SMYD3: variants seen among roughly 807,000 people sequenced by gnomAD.
SMYD3 encodes the protein histone-lysine N-methyltransferase SMYD3.
A neutral mutation model predicts 57.7 loss-of-function variants in SMYD3; 36 were observed. The observed-to-expected ratio is 0.62, with a 90% CI of 0.48 to 0.82. SMYD3 has a LOEUF of 0.82. SMYD3 is among the 40% of genes least tolerant of loss of function. SMYD3 has a pLI of 0.00. For missense variants in SMYD3, 515 were observed against 538.8 expected (o/e 0.96, Z 0.44); for synonymous variants, 211 against 195.0 (o/e 1.08, Z -0.68).
intron 10 of SMYD3, among the ~76,000 whole-genome samples, chr1:245,828,339 T>C (rs1036324970): frequency 6.6e-6 from 1 of 152,200 alleles, no homozygotes; most frequent in Admixed American, 6.5e-5. Context: ...GAAAATGAAA[T>C]GACACCTTCT....
chr1:246,156,370 T>C (rs2062023556), intron 5 of SMYD3, among the ~76,000 whole-genome samples: 1 of 152,188 alleles, frequency 6.6e-6, no homozygotes, highest in African/African-American at 2.4e-5. Context: ...AATTAAGTTT[T>C]TTAAATAATT....
intron 1 of SMYD3, among the ~76,000 whole-genome samples, chr1:246,428,764 T>C (rs1209699490): frequency 6.6e-6 from 1 of 152,176 alleles, no homozygotes; most frequent in African/African-American, 2.4e-5. Context: ...CCACAGCCCA[T>C]GCTCTTAACT....
At chr1:246,332,596 A>G (rs1172729565) in intron 3 of SMYD3, among the ~76,000 whole-genome samples, 3 of 152,256 alleles carry the variant, frequency 2.0e-5, no homozygotes, top group African/African-American at 4.8e-5. Flanking sequence ...ACCTGAGGTC[A>G]GGAGCTCGAG....
chr1:246,472,187 C>T (rs953154497), intron 1 of SMYD3, among the ~76,000 whole-genome samples: 1 of 152,064 alleles, frequency 6.6e-6, no homozygotes, highest in Admixed American at 6.6e-5. Flanking sequence ...CAAATCCACC[C>T]GCCTAGCACC....
intron 1 of SMYD3, among the ~76,000 whole-genome samples, chr1:246,421,199 T>C (rs1163424468): frequency 6.6e-6 from 1 of 152,190 alleles, no homozygotes; most frequent in Non-Finnish European, 1.5e-5. Context: ...CTACTAACAT[T>C]ATATTATGTT....
At chr1:246,215,465 T>G (rs1418800573) in intron 5 of SMYD3, among the ~76,000 whole-genome samples, 1 of 152,160 alleles carries the variant, frequency 6.6e-6, no homozygotes, top group African/African-American at 2.4e-5. Flanking sequence ...TTTTTTTTAA[T>G]GCTGAGCCAT....
At chr1:246,049,076 G>C (rs1055649171) in intron 5 of SMYD3, among the ~76,000 whole-genome samples, 2 of 152,078 alleles carry the variant, frequency 1.3e-5, no homozygotes, top group African/African-American at 4.8e-5. Flanking sequence ...CTAAGAGACT[G>C]AGAAACAAGG....
chr1:246,493,695 A>G (rs554980699), intron 1 of SMYD3, among the ~76,000 whole-genome samples: 1 of 152,028 alleles, frequency 6.6e-6, no homozygotes, highest in East Asian at 1.9e-4. Flanking sequence ...CTCACCCTTC[A>G]CCACAGAGCA....
intron 5 of SMYD3, among the ~76,000 whole-genome samples, chr1:245,985,259 T>C (rs2058679941): frequency 6.6e-6 from 1 of 152,220 alleles, no homozygotes; most frequent in Non-Finnish European, 1.5e-5. Context: ...TTCTCATCCA[T>C]GCCTGTCTTT....
Position 246,185,469 on chromosome 1 carries a change from TTTTG to T in SMYD3, c.531+141728_531+141731del, listed in dbSNP as rs1380496772. On this transcript the variant is annotated intron_variant, in intron 5 of 11. Transcript: ENST00000490107. ...TGATTCTTTTTTTTTTTTTTTTTTTTTTTGAGACGGAGTTTTGCTCTGTCGCCCA... is the reference window on the plus strand; with the variant it reads ...TGATTCTTTTTTTTTTTTTTTTTTTTAGACGGAGTTTTGCTCTGTCGCCCA... Among the ~76,000 whole-genome samples, 324 of 54,680 alleles carry T rather than the reference TTTTG, an allele frequency of 5.9e-3. 9 individuals are homozygous for T. The highest frequency in any genetic ancestry group is 0.011 in the African/African-American group (48 of 4,364). 35.9% of individuals were successfully genotyped at this position (54,680 alleles called of 152,430 possible).
At chr1:246,282,739 G>A (rs1453909520) in intron 5 of SMYD3, among the ~76,000 whole-genome samples, 1 of 152,154 alleles carries the variant, frequency 6.6e-6, no homozygotes, top group Non-Finnish European at 1.5e-5. Context: ...GCTTCTAGCA[G>A]ATGAGACTTC....
chr1:246,017,759 G>A (rs969626841), intron 5 of SMYD3, among the ~76,000 whole-genome samples: 1 of 152,134 alleles, frequency 6.6e-6, no homozygotes, highest in Non-Finnish European at 1.5e-5. Flanking sequence ...GTTACTCTGA[G>A]AGAATGCATA....
At chr1:246,286,880 G>GGT (rs1558378330) in intron 5 of SMYD3, among the ~76,000 whole-genome samples, 3 of 137,560 alleles carry the variant, frequency 2.2e-5, no homozygotes, top group South Asian at 2.2e-4. Context: ...CTTTTTTTTT[G>GGT]TTTTTTTTTT....
intron 5 of SMYD3, among the ~76,000 whole-genome samples, chr1:246,190,217 GGATT>G (rs145124966): frequency 0.023 from 3,479 of 152,218 alleles, 205 homozygotes; most frequent in East Asian, 0.22. Context: ...GCTTAACAAA[GGATT>G]AAGTAAAATG....
intron 2 of SMYD3, among the ~76,000 whole-genome samples, chr1:246,349,986 A>G (rs561213817): frequency 6.2e-4 from 94 of 152,376 alleles, no homozygotes; most frequent in Non-Finnish European, 6.2e-4. Context: ...GAATGGTCGC[A>G]GTGGATCAAG....
chr1:245,960,547 C>T (rs1350287795), intron 5 of SMYD3, among the ~76,000 whole-genome samples: 1 of 152,010 alleles, frequency 6.6e-6, no homozygotes. Flanking sequence ...CATGGGAAAA[C>T]CCCCATCTCT....
chr1:246,327,010 GAA>G (rs1419194640), intron 5 of SMYD3, 189 bp downstream of exon 5: 1 of 622,460 alleles, frequency 1.6e-6, no homozygotes. Flanking sequence ...TAATCAAACA[GAA>G]AAATTCATAC....
intron 1 of SMYD3, among the ~76,000 whole-genome samples, chr1:246,443,307 A>AC (rs1234204718): frequency 6.6e-6 from 1 of 152,204 alleles, no homozygotes; most frequent in Non-Finnish European, 1.5e-5. Flanking sequence ...TCACCAACTT[A>AC]CCTAATGGAA....
At chr1:245,768,840 C>G (rs564659382) in intron 10 of SMYD3, among the ~76,000 whole-genome samples, 44 of 152,172 alleles carry the variant, frequency 2.9e-4, no homozygotes, top group Non-Finnish European at 1.3e-4. Flanking sequence ...AACCTGCTGG[C>G]ACCTTCATCT....
Sources: allele counts gnomAD v4.1 joint callset (sites outside exome capture counted in the v4.1 genomes callset), GRCh38; gene constraint gnomAD v4.1.1; transcripts MANE v1.5; gene names NCBI Gene and HGNC (gene_info 2026-07-23, HGNC 2026-07-21).